Variants in PRMT8 observed in about 807,000 individuals in gnomAD.
PRMT8 encodes the protein protein arginine methyltransferase 8.
A neutral mutation model predicts 47.1 loss-of-function variants in PRMT8; 7 were observed. The ratio of observed to expected loss-of-function variants is 0.15; its 90% CI spans 0.08 to 0.28. The LOEUF (loss-of-function observed/expected upper bound fraction) is 0.28. Ranked by LOEUF, PRMT8 falls within the 10% of genes least tolerant of loss-of-function variation. PRMT8 has a pLI of 1.00. For synonymous variants in PRMT8, 188 were observed against 186.5 expected (o/e 1.01, Z -0.07); for missense variants, 237 against 505.4 (o/e 0.47, Z 5.09).
intron 7 of PRMT8, among the ~76,000 whole-genome samples, chr12:3,582,814 A>C (rs1051635124): frequency 2.6e-5 from 4 of 152,114 alleles, no homozygotes; most frequent in African/African-American, 9.7e-5. Context: ...TTATCTTCCG[A>C]ATTCTGCTCC....
In PRMT8 at chr12:3,416,994, A is replaced by G. The variant is rs150516999; in HGVS notation, c.48+35552A>G. Among the ~76,000 whole-genome samples, 642 of 152,354 alleles carry G rather than the reference A, an allele frequency of 4.2e-3. 10 individuals carry two copies. The highest frequency in any genetic ancestry group is 0.015 in the African/African-American group (605 of 41,582). On this transcript the variant is annotated intron_variant, in intron 1 of 9. Coordinates refer to the PRMT8 transcript ENST00000452611. The stretch of plus-strand genomic sequence containing the variant: ...TAAGCCAATGTGCTTGGGTTTGGAA[A>G]GAGGGGCAACTTCCTGTTTAGCAGA...
At chr12:3,448,174 T>C (rs1182467026) in intron 1 of PRMT8, among the ~76,000 whole-genome samples, 2 of 152,202 alleles carry the variant, frequency 1.3e-5, no homozygotes, top group Non-Finnish European at 2.9e-5. Flanking sequence ...TTTTTTCTTT[T>C]TTAAATTTTT....
chr12:3,449,590 T>C (rs1220992582), intron 1 of PRMT8, among the ~76,000 whole-genome samples: 1 of 152,244 alleles, frequency 6.6e-6, no homozygotes, highest in East Asian at 1.9e-4. Flanking sequence ...GGTTGTTTTT[T>C]TCTTGTAAAT....
In PRMT8 at chr12:3,405,630, A is replaced by C. The variant is rs189051376; in HGVS notation, c.48+24188A>C. Among the ~76,000 whole-genome samples, 307 of 152,360 alleles carry C rather than the reference A, an allele frequency of 2.0e-3. 1 individual carries two copies. The highest frequency in any genetic ancestry group is 3.4e-3 in the Middle Eastern group (1 of 294). The stretch of plus-strand genomic sequence containing the variant: ...CTGTTCCAAATGAGAGAAATTGGCC[A>C]AAAGAAAGGGGCCTCATAGAAGTCC... On this transcript the variant is annotated intron_variant, in intron 1 of 9. Transcript: ENST00000452611.
intron 1 of PRMT8, among the ~76,000 whole-genome samples, chr12:3,383,788 A>G (rs1346859887): frequency 6.6e-6 from 1 of 152,158 alleles, no homozygotes; most frequent in Non-Finnish European, 1.5e-5. Flanking sequence ...GCCCTTGCAC[A>G]TGTTTTGTTG....
intron 2 of PRMT8, among the ~76,000 whole-genome samples, chr12:3,543,437 C>A (rs1591594389): frequency 6.6e-6 from 1 of 152,212 alleles, no homozygotes; most frequent in African/African-American, 2.4e-5. Flanking sequence ...TTGGTCTGGG[C>A]AAGACCCATA....
In PRMT8 at chr12:3,539,928, C is replaced by T. The variant is rs938006430; in HGVS notation, c.76-678C>T. Among the ~76,000 whole-genome samples the T allele has an allele frequency of 3.3e-5, 5 of 152,276 alleles. No individual in the cohort carries two copies. In the East Asian group the frequency reaches 7.7e-4, roughly 23 times the overall value. ...ACCTAAGACATCTGCATTTTGGGGG[C>T]CGTATCCTCTTCTAGCTTGATGCTG... On this transcript the variant is annotated intron_variant, in intron 1 of 9. Transcript: ENST00000382622.
rs764703455 is a variant in PRMT8, at chr12:3,569,632, C to T, written c.712+68C>T. 153 of 1,270,166 alleles carry T rather than the reference C, an allele frequency of 1.2e-4. No homozygotes were observed. Among genetic ancestry groups the T allele is most frequent in the Non-Finnish European group, 1.7e-4 (144 of 866,968 alleles). 78.7% of individuals were successfully genotyped at this position (1,270,166 alleles called of 1,614,324 possible). On this transcript the variant is annotated intron_variant, in intron 6 of 9. Transcript: ENST00000382622. This position sits in a 1 kb window ranked among gnomAD's most constrained non-coding sequence, Gnocchi z 8.2. Reference sequence around the variant, plus strand: ...TTGGGGTGGGAGGCACTCCAGTGGGCCCGAGATGAGCAGGCAGTGACATGA... The same window carrying T: ...TTGGGGTGGGAGGCACTCCAGTGGGTCCGAGATGAGCAGGCAGTGACATGA...
At position 3,583,289 on chromosome 12, in the gene PRMT8, T is replaced by A. The variant is rs560182573; in HGVS notation, c.979+81T>A. On this transcript the variant is annotated intron_variant, in intron 8 of 9. Transcript: ENST00000382622. The surrounding 1 kb of genome is among the most constrained non-coding windows in gnomAD (Gnocchi z 4.7). ...TTTGTGGGGTGACCAGAGCTGGCCT[T>A]GACTTGGGGAGAAGGGGCTGGGTGT... is the stretch of plus-strand genomic sequence containing the variant. 6.9e-7 allele frequency: 1 copy of A among 1,450,862 alleles called. No homozygotes were observed. Among genetic ancestry groups the A allele is most frequent in the African/African-American group, 1.4e-5 (1 of 70,958 alleles). The allele number at this position is 1,450,862 out of a possible 1,614,324, so 89.9% of individuals were successfully genotyped here.
intron 1 of PRMT8, among the ~76,000 whole-genome samples, chr12:3,421,918 G>A (rs1017978848): frequency 4.6e-5 from 7 of 152,218 alleles, no homozygotes; most frequent in African/African-American, 1.4e-4. Flanking sequence ...TCACCACTGC[G>A]CTGCTGGCCT....
At chr12:3,546,095 C>G (rs1355521476) in intron 2 of PRMT8, among the ~76,000 whole-genome samples, 1 of 152,156 alleles carries the variant, frequency 6.6e-6, no homozygotes, top group Non-Finnish European at 1.5e-5. Context: ...TGCTAAATAG[C>G]CCATGGGTCA....
rs1372740567 is a variant in PRMT8 at position 3,583,888 on chromosome 12, C to G, written c.979+680C>G. 6.6e-6 allele frequency among the ~76,000 whole-genome samples: 1 copy of G among 152,232 alleles called. No homozygotes were observed. The highest frequency in any genetic ancestry group is 1.5e-5 in the Non-Finnish European group (1 of 68,036). ...CGCTGCTACCCCACAGGTGGCCCAG[C>G]TACACCGAGCTCCTTGCTGACTTCT... On this transcript the variant is annotated intron_variant, in intron 8 of 9. Coordinates refer to ENST00000382622, the MANE Select transcript of PRMT8 (RefSeq NM_019854.5). This position sits in a 1 kb window ranked among gnomAD's most constrained non-coding sequence, Gnocchi z 4.7.
chr12:3,458,325 A>G (rs1048024491), intron 1 of PRMT8, among the ~76,000 whole-genome samples: 4 of 152,220 alleles, frequency 2.6e-5, no homozygotes, highest in Non-Finnish European at 5.9e-5. Context: ...ATATCACTCC[A>G]TCCTTGGCGG....
chr12:3,561,270 C>T (rs1482108561), intron 4 of PRMT8, among the ~76,000 whole-genome samples: 1 of 152,202 alleles, frequency 6.6e-6, no homozygotes, highest in Non-Finnish European at 1.5e-5. Context: ...TGTGGCAATG[C>T]ACCTCCAGTT....
Position 3,593,276 on chromosome 12 carries a change from C to G in PRMT8, c.*94C>G. On this transcript the variant is annotated 3_prime_UTR_variant, in exon 10 of 10. Transcript: ENST00000382622. The surrounding 1 kb of genome is among the most constrained non-coding windows in gnomAD (Gnocchi z 4.8). ...AGAATACCGTTTGCAGGACTACACA[C>G]TTGAAAACCAGAGTTTTCAACTCTG... 2.8e-6 allele frequency: 3 copies of G among 1,079,406 alleles called. No individual in the cohort carries two copies. Among genetic ancestry groups the G allele is most frequent in the Non-Finnish European group, 4.1e-6 (3 of 735,884 alleles). 66.9% of individuals were successfully genotyped at this position (1,079,406 alleles called of 1,614,324 possible). A position where few individuals can be genotyped will look rare whatever the true frequency, so the allele number is the denominator to read the frequency against.
chr12:3,553,578 A>C, intron 3 of PRMT8, 73 bp from the exon 4 acceptor site: 1 of 1,264,312 alleles, frequency 7.9e-7, no homozygotes, highest in Non-Finnish European at 1.2e-6. Context: ...CAGCGTCTCT[A>C]TCCATTGAAT....
rs951114849 is a variant in PRMT8 at position 3,583,300 on chromosome 12, G to A, written c.979+92G>A. 1.4e-6 allele frequency: 2 copies of A among 1,401,344 alleles called. No individual in the cohort carries two copies. The allele number at this position is 1,401,344 out of a possible 1,614,324, so 86.8% of individuals were successfully genotyped here. A position where few individuals can be genotyped will look rare whatever the true frequency, so the allele number is the denominator to read the frequency against. On this transcript the variant is annotated intron_variant, in intron 8 of 9. Coordinates refer to ENST00000382622, the MANE Select transcript of PRMT8 (RefSeq NM_019854.5). The surrounding 1 kb of genome is among the most constrained non-coding windows in gnomAD (Gnocchi z 4.7). The stretch of plus-strand genomic sequence containing the variant: ...ACCAGAGCTGGCCTTGACTTGGGGA[G>A]AAGGGGCTGGGTGTTAGCTGGGTGA...
rs75834740 is a variant in PRMT8 at position 3,581,225 on chromosome 12, G to A, written c.829-1833G>A. On this transcript the variant is annotated intron_variant, in intron 7 of 9. Coordinates refer to ENST00000382622, the MANE Select transcript of PRMT8 (RefSeq NM_019854.5). Reference sequence around the variant, plus strand: ...GAGGAGAAAGGCCAGGGTGATGAGCGGTCAGACATCACGACTTATGAGGAA... The same window carrying A: ...GAGGAGAAAGGCCAGGGTGATGAGCAGTCAGACATCACGACTTATGAGGAA... 9.0e-3 allele frequency among the ~76,000 whole-genome samples: 1,370 copies of A among 152,268 alleles called. 25 individuals are homozygous for A. The highest frequency in any genetic ancestry group is 0.031 in the African/African-American group (1,277 of 41,536).
In PRMT8 at chr12:3,564,186, G is replaced by A. The variant is rs1049826033; in HGVS notation, c.482-4520G>A. Among the ~76,000 whole-genome samples the A allele has an allele frequency of 2.6e-5, 4 of 152,164 alleles. No homozygotes were observed. Among genetic ancestry groups the A allele is most frequent in the African/African-American group, 7.2e-5 (3 of 41,442 alleles). Reference sequence around the variant, plus strand: ...GGGAGGGCGAGCGAAGGGCTTTGCTGCAGTGGGGTTGGCAGGGGGGTCAGG... The same window carrying A: ...GGGAGGGCGAGCGAAGGGCTTTGCTACAGTGGGGTTGGCAGGGGGGTCAGG... On this transcript the variant is annotated intron_variant, in intron 4 of 9. Transcript: ENST00000382622. This position sits in a 1 kb window ranked among gnomAD's most constrained non-coding sequence, Gnocchi z 4.0.
Sources: gnomAD v4.1 joint callset for allele counts (sites outside exome capture counted in the v4.1 genomes callset) on GRCh38, gnomAD v4.1.1 for gene constraint, Gnocchi (gnomAD v3.1) non-coding constraint, MANE v1.5 for transcripts, NCBI Gene and HGNC (gene_info 2026-07-23, HGNC 2026-07-21) for gene names.